PPP6R3: variants seen among roughly 807,000 people sequenced by gnomAD.
PPP6R3 encodes the protein serine/threonine-protein phosphatase 6 regulatory subunit 3.
A neutral mutation model predicts 110.7 loss-of-function variants in PPP6R3; 38 were observed. That is an observed-to-expected ratio of 0.34 (90% CI 0.26 to 0.45). The LOEUF is 0.45. PPP6R3 is among the 20% of genes least tolerant of loss of function. The probability of loss-of-function intolerance (pLI) is 1.00; values close to 1 mark genes in which losing one functional copy is unlikely to be tolerated. For synonymous variants in PPP6R3, 369 were observed against 373.5 expected, an observed-to-expected ratio of 0.99 and a Z score of 0.14; for missense variants, 870 against 1,062.4, an observed-to-expected ratio of 0.82 and a Z score of 2.52.
At chr11:68,608,494 G>A (rs1031602988) in intron 22 of PPP6R3, among the ~76,000 whole-genome samples, 5 of 152,234 alleles carry the variant, frequency 3.3e-5, no homozygotes, top group Non-Finnish European at 7.3e-5. Flanking sequence ...CTGGGTAGTA[G>A]CGTGGGCTTC....
chr11:68,574,462 C>A (rs1047926374), intron 13 of PPP6R3, among the ~76,000 whole-genome samples: 14 of 152,170 alleles, frequency 9.2e-5, no homozygotes, highest in African/African-American at 2.9e-4. Flanking sequence ...TGGCTGGATT[C>A]AGCATATAAG....
At chr11:68,500,590 A>G (rs1304458310) in intron 1 of PPP6R3, among the ~76,000 whole-genome samples, 1 of 151,962 alleles carries the variant, frequency 6.6e-6, no homozygotes, top group Non-Finnish European at 1.5e-5. Context: ...CAATTCTCCT[A>G]CCTCACCCTC....
intron 23 of PPP6R3, 135 bp from the exon 24 acceptor site, chr11:68,612,931 A>G: frequency 6.8e-7 from 1 of 1,472,086 alleles, no homozygotes; most frequent in Non-Finnish European, 9.1e-7. Flanking sequence ...TTTACATATC[A>G]TTTTATTAAA....
At chr11:68,580,809 T>C (rs1313724246) in intron 14 of PPP6R3, among the ~76,000 whole-genome samples, 1 of 117,158 alleles carries the variant, frequency 8.5e-6, no homozygotes, top group Non-Finnish European at 1.6e-5. Flanking sequence ...TCTTGCTCTG[T>C]CACCCAGGCT....
intron 1 of PPP6R3, among the ~76,000 whole-genome samples, chr11:68,478,646 A>ATTTTTTTT (rs1565292839): frequency 1.1e-3 from 12 of 10,748 alleles, no homozygotes; most frequent in Non-Finnish European, 2.0e-3. Context: ...GCACTTGGTA[A>ATTTTTTTT]GTTTTTTTTT....
rs1443645539 is a variant in PPP6R3 at position 68,613,293 on chromosome 11, TA to T, written c.*181del. ...CATTGTACAGAGAAATTCAGAAGTGTAAAAATATTGCACATTGACAAATACC... is the reference window on the plus strand; with the variant it reads ...CATTGTACAGAGAAATTCAGAAGTGTAAAATATTGCACATTGACAAATACC... On this transcript the variant is annotated 3_prime_UTR_variant, in exon 24 of 24. Coordinates refer to ENST00000393800, the MANE Select transcript of PPP6R3 (RefSeq NM_001164161.2). 3.7e-6 allele frequency: 5 copies of T among 1,349,904 alleles called. No individual in the cohort carries two copies. In the East Asian group the frequency reaches 1.4e-4, roughly 38 times the overall value. 83.6% of individuals were successfully genotyped at this position (1,349,904 alleles called of 1,614,324 possible).
At chr11:68,472,662 ACTATT>A (rs2098800511) in intron 1 of PPP6R3, among the ~76,000 whole-genome samples, 1 of 151,806 alleles carries the variant, frequency 6.6e-6, no homozygotes, top group African/African-American at 2.4e-5. Flanking sequence ...TAATTCACAG[ACTATT>A]CAATTGATCA....
intron 3 of PPP6R3, among the ~76,000 whole-genome samples, chr11:68,542,399 T>TTTTTTTTTTTTTTC (rs2099323794): frequency 4.6e-5 from 5 of 109,366 alleles, no homozygotes; most frequent in African/African-American, 1.8e-4. Flanking sequence ...GTTTTTTTTT[T>TTTTTTTTTTTTTTC]TTTTTTTTTT....
In PPP6R3 at chr11:68,600,306, G is replaced by A. The variant is rs747438843; in HGVS notation, c.2039-35G>A. Reference sequence around the variant, plus strand: ...CCTTGTGGTACATGAAACGACTGAAGTGTTTTCCAAATAGAATTTCTCCCC... The same window carrying A: ...CCTTGTGGTACATGAAACGACTGAAATGTTTTCCAAATAGAATTTCTCCCC... On this transcript the variant is annotated intron_variant, in intron 19 of 23. Transcript: ENST00000393800. 6 of 1,597,152 alleles carry A rather than the reference G, an allele frequency of 3.8e-6. No individual in the cohort carries two copies. The East Asian group carries it at 8.9e-5, about 24-fold the overall frequency.
chr11:68,573,153 T>TATATATATATATATATATATAA (rs1468107550), intron 12 of PPP6R3, among the ~76,000 whole-genome samples: 1 of 103,600 alleles, frequency 9.7e-6, no homozygotes, highest in African/African-American at 3.8e-5. Context: ...TATATATATA[T>TATATATATATATATATATATAA]AATTTTTTTT....
intron 17 of PPP6R3, among the ~76,000 whole-genome samples, chr11:68,591,304 C>CT (rs1446784221): frequency 6.6e-6 from 1 of 152,140 alleles, no homozygotes; most frequent in African/African-American, 2.4e-5. Context: ...GGGGAGGCTC[C>CT]TGGGATTACA....
chr11:68,477,747 T>TATATATATATATATATAG (rs1565285690), intron 1 of PPP6R3, among the ~76,000 whole-genome samples: 3 of 124,220 alleles, frequency 2.4e-5, no homozygotes, highest in African/African-American at 3.3e-5. Context: ...AAAAAATATA[T>TATATATATATATATATAG]ATATATATAT....
intron 1 of PPP6R3, among the ~76,000 whole-genome samples, chr11:68,479,580 A>G (rs992226906): frequency 5.9e-5 from 9 of 152,182 alleles, no homozygotes; most frequent in Admixed American, 5.9e-4. Flanking sequence ...ATTGAGAGTG[A>G]TAAGAAGTTA....
At chr11:68,487,611 C>A (rs1272266621) in intron 1 of PPP6R3, among the ~76,000 whole-genome samples, 1 of 151,546 alleles carries the variant, frequency 6.6e-6, no homozygotes, top group Non-Finnish European at 1.5e-5. Flanking sequence ...GTTAAAAATA[C>A]TTTCAACTTT....
intron 2 of PPP6R3, among the ~76,000 whole-genome samples, chr11:68,527,065 T>C (rs1183288101): frequency 6.6e-6 from 1 of 152,212 alleles, no homozygotes; most frequent in Admixed American, 6.5e-5. Context: ...TTCTGAGGGT[T>C]GTGTATTTCC....
At chr11:68,583,208 A>G in intron 15 of PPP6R3, 79 bp downstream of exon 15, 1 of 1,114,066 alleles carries the variant, frequency 9.0e-7, no homozygotes, top group South Asian at 1.5e-5. Flanking sequence ...TCAGCTTCAG[A>G]GTCAGATTAT....
At chr11:68,577,763 G>C (rs12146506) in intron 14 of PPP6R3, among the ~76,000 whole-genome samples, 10,135 of 152,242 alleles carry the variant, frequency 0.067, 457 homozygotes, top group Non-Finnish European at 0.1. Context: ...GGTAGACTGT[G>C]TTAGAAAAAA....
chr11:68,595,987 C>T, intron 18 of PPP6R3, 110 bp from the exon 19 acceptor site: 1 of 1,365,984 alleles, frequency 7.3e-7, no homozygotes, highest in South Asian at 1.3e-5. Context: ...CAGATGTGAT[C>T]CTGCTGAAGC....
chr11:68,503,982 C>T (rs1416346001), intron 1 of PPP6R3, among the ~76,000 whole-genome samples: 8 of 152,212 alleles, frequency 5.3e-5, no homozygotes, highest in Non-Finnish European at 1.2e-4. Context: ...GTAGGGCTGA[C>T]CTCCGTGGAG....
Sources: allele counts gnomAD v4.1 joint callset (sites outside exome capture counted in the v4.1 genomes callset), GRCh38; gene constraint gnomAD v4.1.1; transcripts MANE v1.5; gene names NCBI Gene and HGNC (gene_info 2026-07-23, HGNC 2026-07-21).